Variants in CSH2 observed in about 807,000 individuals in gnomAD.
The protein encoded by CSH2 is choriomammotropin.
A neutral mutation model predicts 22.7 loss-of-function variants in CSH2; 10 were observed. The observed-to-expected ratio is 0.44, with a 90% CI of 0.27 to 0.75. The LOEUF (loss-of-function observed/expected upper bound fraction) is 0.75, where lower values mean the gene tolerates loss of function less well. Ranked by LOEUF, CSH2 falls within the 30% of genes least tolerant of loss-of-function variation. The pLI, the probability that CSH2 is intolerant of heterozygous loss-of-function variation, is 0.16. For missense variants in CSH2, 161 were observed against 271.0 expected, an observed-to-expected ratio of 0.59 and a Z score of 2.85; for synonymous variants, 64 against 115.0, an observed-to-expected ratio of 0.56 and a Z score of 2.84.
chr17:63,873,454 C>T lies in CSH2; in HGVS notation c.11-115G>A, dbSNP rs369479411. On this transcript the variant is annotated intron_variant, in intron 1 of 4. Coordinates refer to ENST00000392886, the MANE Select transcript of CSH2 (RefSeq NM_020991.4). ...TCTCCATCCCTCCAGAGACCAGGAACATTCAGAGATTGGCCAAATATCTGG... is the reference window on the plus strand; with the variant it reads ...TCTCCATCCCTCCAGAGACCAGGAATATTCAGAGATTGGCCAAATATCTGG... The T allele has an allele frequency of 2.8e-5, 44 of 1,599,268 alleles. 2 individuals are homozygous for T. Among genetic ancestry groups the T allele is most frequent in the East Asian group, 1.8e-4 (8 of 44,072 alleles).
Position 63,872,260 on chromosome 17 carries a change from T to G in CSH2, c.520A>C (p.Thr174Pro). Residue 174 changes from threonine to proline, a missense_variant, in exon 5 of 5, where the codon ACA becomes CCA. Around this residue, in one of 2 missense-constraint regions of CSH2, gnomAD observed 145 missense variants for 157.8 expected, o/e 0.92. Coordinates refer to ENST00000392886, the MANE Select transcript of CSH2 (RefSeq NM_020991.4). ...ILKQTYSKFD[T>P]NSHNHDALLK... Reference sequence around the variant, plus strand: ...AGTGCGTCATGGTTGTGTGAGTTTGTGTCAAACTTGCTGTAGGTCTGCTTG... The same window carrying G: ...AGTGCGTCATGGTTGTGTGAGTTTGGGTCAAACTTGCTGTAGGTCTGCTTG... 6.2e-7 allele frequency: 1 copy of G among 1,613,970 alleles called. No individual in the cohort carries two copies. Among genetic ancestry groups the G allele is most frequent in the South Asian group, 1.1e-5 (1 of 91,066 alleles).
chr17:63,872,161 G>A lies in CSH2; in HGVS notation c.619C>T (p.Gln207Ter), dbSNP rs1905124461. 2 of 1,613,982 alleles carry A rather than the reference G, an allele frequency of 1.2e-6. No individual in the cohort carries two copies. The highest frequency in any genetic ancestry group is 2.2e-5 in the South Asian group (2 of 91,092). Residue 207 changes from glutamine to a stop codon, truncating the protein, a stop_gained, in exon 5 of 5, where the codon CAG becomes TAG. Coordinates refer to ENST00000392886, the MANE Select transcript of CSH2 (RefSeq NM_020991.4). LOFTEE classifies it high-confidence loss of function. ...CAGCTACCCTCTACAGAGCGGCACTGCACCATGCGCAGGAATGTCTCGACC... is the reference window on the plus strand; with the variant it reads ...CAGCTACCCTCTACAGAGCGGCACTACACCATGCGCAGGAATGTCTCGACC... The part of the protein sequence containing the change: ...DKVETFLRMV[Q>*]CRSVEGSCGF
chr17:63,873,480 C>G (rs1299229680), intron 1 of CSH2, 125 bp downstream of exon 1: 8 of 1,576,086 alleles, frequency 5.1e-6, no homozygotes, highest in Non-Finnish European at 6.9e-6. Context: ...AAATATCTGG[C>G]CTTAGATGGC....
At position 63,872,132 on chromosome 17, in the gene CSH2, G is replaced by A. The variant is rs1195460550; in HGVS notation, c.648C>T (p.Gly216=). 1 of 1,613,986 alleles carries A rather than the reference G, an allele frequency of 6.2e-7. No homozygotes were observed. The highest frequency in any genetic ancestry group is 1.3e-5 in the African/African-American group (1 of 74,936). ...VQCRSVEGSC[G]F is the part of the protein sequence containing the mutation. ...CAGGATGCCACGCGGGCACCTAGAAGCCACAGCTACCCTCTACAGAGCGGC... is the reference window on the plus strand; with the variant it reads ...CAGGATGCCACGCGGGCACCTAGAAACCACAGCTACCCTCTACAGAGCGGC... The change falls in exon 5 of 5, where the codon GGC becomes GGT. Residue 216 remains glycine (G), a synonymous_variant. Coordinates refer to ENST00000392886, the MANE Select transcript of CSH2 (RefSeq NM_020991.4).
Position 63,872,631 on chromosome 17 carries a change from G to T in CSH2, c.402C>A (p.Ser134Arg). ...GGTCCTTTAGGAGGTGATAGTCATC[G>T]CTGTCCGAGGTGTCATACACCAGGT... ...ANNLVYDTSD[S>R]DDYHLLKDLE... Residue 134 changes from serine to arginine, a missense_variant, in exon 4 of 5, where the codon AGC becomes AGA. Physicochemically the swap from Ser to Arg is moderately radical, Grantham distance 110. Transcript: ENST00000392886. 6.2e-7 allele frequency: 1 copy of T among 1,612,482 alleles called. No individual in the cohort carries two copies. The highest frequency in any genetic ancestry group is 8.5e-7 in the Non-Finnish European group (1 of 1,179,532).
In CSH2 at chr17:63,872,636, C is replaced by A. The variant is rs1423977210; in HGVS notation, c.397G>T (p.Asp133Tyr). ...FANNLVYDTS[D>Y]SDDYHLLKDL... ...TTTAGGAGGTGATAGTCATCGCTGT[C>A]CGAGGTGTCATACACCAGGTTGTTG... Residue 133 changes from aspartate (D) to tyrosine (Y), a missense_variant, in exon 4 of 5, where the codon GAC (aspartate) becomes TAC (tyrosine). Physicochemically the swap from Asp to Tyr is radical, Grantham distance 160. Coordinates refer to ENST00000392886, the MANE Select transcript of CSH2 (RefSeq NM_020991.4). The A allele has an allele frequency of 6.2e-7, 1 of 1,612,120 alleles. No individual in the cohort carries two copies. Among genetic ancestry groups the A allele is most frequent in the East Asian group, 2.2e-5 (1 of 44,756 alleles).
rs1180607029 is a variant in CSH2 at position 63,873,665 on chromosome 17, C to T, written c.-51G>A. 1 of 1,537,558 alleles carries T rather than the reference C, an allele frequency of 6.5e-7. No homozygotes were observed. The highest frequency in any genetic ancestry group is 1.4e-5 in the African/African-American group (1 of 73,960). ...ACCCTGAGTGGTTCGGGGAGTTGGG[C>T]CTTGGGATCCTAGAGCCGGTCTCTT... is the stretch of plus-strand genomic sequence containing the variant. On this transcript the variant is annotated 5_prime_UTR_variant, in exon 1 of 5. Coordinates refer to ENST00000392886, the MANE Select transcript of CSH2 (RefSeq NM_020991.4).
chr17:63,872,592 G>T lies in CSH2; in HGVS notation c.441C>A (p.Ile147=), dbSNP rs1306084450. 6.2e-7 allele frequency: 1 copy of T among 1,613,816 alleles called. No homozygotes were observed. Among genetic ancestry groups the T allele is most frequent in the Non-Finnish European group, 8.5e-7 (1 of 1,179,862 alleles). The change falls in exon 4 of 5, where the codon ATC becomes ATA. Residue 147 remains isoleucine (I), a synonymous_variant. Transcript: ENST00000392886. ...YHLLKDLEEG[I]QTLMGRLEDG... ...CCACCCTCACCCCCATCAGCGTTTG[G>T]ATGCCTTCCTCTAGGTCCTTTAGGA...
chr17:63,872,095 A>T lies in CSH2; in HGVS notation c.*31T>A. ...TCCAGGGCCAGGAGAGGCACTGGGG[A>T]GGGGTCGGTCACAGGATGCCACGCG... is the stretch of plus-strand genomic sequence containing the variant. On this transcript the variant is annotated 3_prime_UTR_variant, in exon 5 of 5. Coordinates refer to ENST00000392886, the MANE Select transcript of CSH2 (RefSeq NM_020991.4). 1 of 1,613,842 alleles carries T rather than the reference A, an allele frequency of 6.2e-7. No individual in the cohort carries two copies. Among genetic ancestry groups the T allele is most frequent in the Non-Finnish European group, 8.5e-7 (1 of 1,179,810 alleles).
At position 63,872,351 on chromosome 17, in the gene CSH2, G is replaced by A. The variant is rs369442413; in HGVS notation, c.457-28C>T. The A allele has an allele frequency of 3.7e-4, 602 of 1,613,850 alleles. 2 individuals carry two copies. Among genetic ancestry groups the A allele is most frequent in the Non-Finnish European group, 4.5e-4 (536 of 1,179,774 alleles). On this transcript the variant is annotated intron_variant, in intron 4 of 4. Transcript: ENST00000392886. ...GCAAAGTGAAGGAAGAGAAGGAGAG[G>A]CCAAGCGCTTGGGCACTGTTCCCTC...
At chr17:63,872,548 G>T in intron 4 of CSH2, 29 bp downstream of exon 4, 1 of 1,614,074 alleles carries the variant, frequency 6.2e-7, no homozygotes, top group South Asian at 1.1e-5. Flanking sequence ...TGGGGTTCCA[G>T]GATTGGCGAC....
Position 63,872,200 on chromosome 17 carries a change from T to A in CSH2, c.580A>T (p.Lys194Ter). The change falls in exon 5 of 5, where the codon AAG becomes TAG. Residue 194 changes from lysine (K) to a stop codon, truncating the protein, a stop_gained. Coordinates refer to ENST00000392886, the MANE Select transcript of CSH2 (RefSeq NM_020991.4). LOFTEE classifies it high-confidence loss of function. ...AATGTCTCGACCTTGTCCATGTCCT[T>A]CCTGAAGCAGTAGAGCAGCCCGTAG... The part of the protein sequence containing the change: ...KNYGLLYCFR[K>*]DMDKVETFLR... 1 of 1,614,026 alleles carries A rather than the reference T, an allele frequency of 6.2e-7. No homozygotes were observed. Among genetic ancestry groups the A allele is most frequent in the Non-Finnish European group, 8.5e-7 (1 of 1,179,944 alleles).
chr17:63,873,555 C>T, intron 1 of CSH2, 50 bp downstream of exon 1: 1 of 1,608,136 alleles, frequency 6.2e-7, no homozygotes, highest in Non-Finnish European at 8.5e-7. Context: ...CAGGGCGCTG[C>T]CTCTCCCCTC....
At position 63,872,604 on chromosome 17, in the gene CSH2, T is replaced by C; in HGVS notation, c.429A>G (p.Leu143=). The change falls in exon 4 of 5, where the codon CTA becomes CTG. Residue 143 remains leucine, a synonymous_variant. Coordinates refer to ENST00000392886, the MANE Select transcript of CSH2 (RefSeq NM_020991.4). ...CCATCAGCGTTTGGATGCCTTCCTC[T>C]AGGTCCTTTAGGAGGTGATAGTCAT... ...DSDDYHLLKD[L]EEGIQTLMGR... 6.2e-7 allele frequency: 1 copy of C among 1,613,606 alleles called. No homozygotes were observed. The highest frequency in any genetic ancestry group is 1.1e-5 in the South Asian group (1 of 91,056).
rs1905127982 is a variant in CSH2 at position 63,872,238 on chromosome 17, GCGT to G, written c.539_541del (p.Asp180del). 5.0e-6 allele frequency: 8 copies of G among 1,613,886 alleles called. No individual in the cohort carries two copies. The South Asian group carries it at 5.5e-5, about 11-fold the overall frequency. The stretch of plus-strand genomic sequence containing the variant: ...GAGCAGCCCGTAGTTCTTGAGCAGT[GCGT>G]CATGGTTGTGTGAGTTTGTGTCAAA... On this transcript the variant is annotated inframe_deletion, in exon 5 of 5. Coordinates refer to ENST00000392886, the MANE Select transcript of CSH2 (RefSeq NM_020991.4).
chr17:63,873,416 G>C (rs1905181953), intron 1 of CSH2, 77 bp from the exon 2 acceptor site: 1 of 1,603,156 alleles, frequency 6.2e-7, no homozygotes, highest in Non-Finnish European at 8.5e-7. Flanking sequence ...GGAGCTGTTT[G>C]TTTTTTTCTC....
rs747376312 is a variant in CSH2, at chr17:63,872,289, A to G, written c.491T>C (p.Ile164Thr). ...AAACTTGCTGTAGGTCTGCTTGAGGATCTGCCCAGTCCGGCGGCTGCCGTC... is the reference window on the plus strand; with the variant it reads ...AAACTTGCTGTAGGTCTGCTTGAGGGTCTGCCCAGTCCGGCGGCTGCCGTC... ...LEDGSRRTGQ[I>T]LKQTYSKFDT... is the part of the protein sequence containing the mutation. Residue 164 changes from isoleucine to threonine, a missense_variant, in exon 5 of 5, where the codon ATC becomes ACC. Around this residue, in one of 2 missense-constraint regions of CSH2, gnomAD observed 145 missense variants for 157.8 expected, o/e 0.92. Transcript: ENST00000392886. The G allele has an allele frequency of 4.3e-6, 7 of 1,613,856 alleles. No homozygotes were observed. In the South Asian group the frequency reaches 5.5e-5, roughly 13 times the overall value.
At chr17:63,872,429 C>T in intron 4 of CSH2, 106 bp from the exon 5 acceptor site, 2 of 1,613,746 alleles carry the variant, frequency 1.2e-6, no homozygotes, top group Non-Finnish European at 1.7e-6. Flanking sequence ...AGAGAAGGGC[C>T]TGGAGGATTC....
At chr17:63,872,490 G>T (rs1198447930) in intron 4 of CSH2, 87 bp downstream of exon 4, 1 of 1,613,812 alleles carries the variant, frequency 6.2e-7, no homozygotes, top group Non-Finnish European at 8.5e-7. Flanking sequence ...GCGCCTGACT[G>T]CTACAAAGAG....
Sources: gnomAD v4.1 joint callset for allele counts on GRCh38, gnomAD v4.1.1 for gene constraint, gnomAD v4.1.1 regional missense constraint, MANE v1.5 for transcripts, NCBI Gene and HGNC (gene_info 2026-07-23, HGNC 2026-07-21) for gene names.